Variants in SOX5 observed in about 807,000 individuals in gnomAD.
SOX5 encodes SRY-box transcription factor 5, also known as transcription factor SOX-5.
Under a neutral mutation model 92.0 loss-of-function variants are expected in SOX5, and 9 were observed. That is an observed-to-expected ratio of 0.10 (90% CI 0.06 to 0.17). SOX5 has a LOEUF of 0.17. SOX5 is among the 10% of genes least tolerant of loss of function. The pLI, the probability that SOX5 is intolerant of heterozygous loss-of-function variation, is 1.00. For missense variants in SOX5, 642 were observed against 944.5 expected, an observed-to-expected ratio of 0.68 and a Z score of 4.20; for synonymous variants, 344 against 336.3, an observed-to-expected ratio of 1.02 and a Z score of -0.25.
chr12:23,630,801 G>T (rs1330299137), intron 8 of SOX5, among the ~76,000 whole-genome samples: 1 of 151,994 alleles, frequency 6.6e-6, no homozygotes, highest in Non-Finnish European at 1.5e-5. Context: ...TTAAGGAAGA[G>T]ATGGCTGCAA....
chr12:24,135,440 C>T (rs976840487), intron 4 of SOX5, among the ~76,000 whole-genome samples: 1 of 152,162 alleles, frequency 6.6e-6, no homozygotes, highest in African/African-American at 2.4e-5. Context: ...ACTCCAACCT[C>T]GTTCCTGTAT....
At chr12:24,176,243 C>T (rs10842289) in intron 4 of SOX5, among the ~76,000 whole-genome samples, 60,946 of 151,590 alleles carry the variant, frequency 0.4, 12,824 homozygotes, top group Non-Finnish European at 0.47. Flanking sequence ...GTGGGACAAT[C>T]GCCTGAGCCC....
At chr12:24,490,452 T>G (rs150765603) in intron 1 of SOX5, among the ~76,000 whole-genome samples, 1 of 152,180 alleles carries the variant, frequency 6.6e-6, no homozygotes, top group South Asian at 2.1e-4. Context: ...GCTGTTACTC[T>G]TTTTTACAAA....
At chr12:24,269,608 G>T (rs1404576565) in intron 3 of SOX5, among the ~76,000 whole-genome samples, 2 of 150,692 alleles carry the variant, frequency 1.3e-5, no homozygotes, top group Non-Finnish European at 3.0e-5. Context: ...TAACTTTATA[G>T]TTCTCAAAAC....
chr12:23,770,351 C>T (rs1258595011), intron 3 of SOX5, among the ~76,000 whole-genome samples: 1 of 152,042 alleles, frequency 6.6e-6, no homozygotes, highest in African/African-American at 2.4e-5. Context: ...TTATCAAGGC[C>T]ATAACTGAGC....
chr12:23,587,783 A>G (rs1480016672), intron 9 of SOX5, among the ~76,000 whole-genome samples: 1 of 152,134 alleles, frequency 6.6e-6, no homozygotes, highest in Non-Finnish European at 1.5e-5. Context: ...GTCAATTTAT[A>G]TACATCCAAT....
intron 4 of SOX5, among the ~76,000 whole-genome samples, chr12:24,163,571 G>A (rs537695172): frequency 5.4e-5 from 8 of 148,106 alleles, no homozygotes; most frequent in African/African-American, 2.0e-4. Flanking sequence ...GATTCATGCC[G>A]CATTATCTGG....
At chr12:24,290,896 G>T (rs1257743427) in intron 2 of SOX5, among the ~76,000 whole-genome samples, 1 of 152,208 alleles carries the variant, frequency 6.6e-6, no homozygotes, top group Non-Finnish European at 1.5e-5. Flanking sequence ...TAAAGAAGCA[G>T]GGGTCTTGAT....
chr12:23,726,190 GT>G (rs1413422813), intron 6 of SOX5, among the ~76,000 whole-genome samples: 1 of 137,566 alleles, frequency 7.3e-6, no homozygotes, highest in African/African-American at 2.7e-5. Flanking sequence ...GTTTCTCACT[GT>G]TTGTAAGTTA....
intron 4 of SOX5, among the ~76,000 whole-genome samples, chr12:24,201,348 GA>G (rs35549197): frequency 0.19 from 27,221 of 146,524 alleles, 2,822 homozygotes; most frequent in East Asian, 0.46. Context: ...CTTTTCTCAG[GA>G]AAAAAAAAAA....
intron 4 of SOX5, among the ~76,000 whole-genome samples, chr12:24,109,322 T>G (rs1032092193): frequency 4.6e-5 from 7 of 152,150 alleles, no homozygotes; most frequent in Non-Finnish European, 1.0e-4. Context: ...AACCACAAAA[T>G]AATTGGTAAA....
intron 7 of SOX5, among the ~76,000 whole-genome samples, chr12:23,643,438 G>A (rs1420892022): frequency 6.6e-6 from 1 of 152,146 alleles, no homozygotes; most frequent in Non-Finnish European, 1.5e-5. Context: ...TTAGACACTT[G>A]ATAAACATGT....
At chr12:23,830,482 G>C (rs1006784191) in intron 3 of SOX5, among the ~76,000 whole-genome samples, 8 of 152,144 alleles carry the variant, frequency 5.3e-5, no homozygotes, top group African/African-American at 1.9e-4. Context: ...AAGTACCCTT[G>C]TTTGTCCTTC....
chr12:24,194,318 T>C (rs1421650298), intron 4 of SOX5, among the ~76,000 whole-genome samples: 2 of 152,120 alleles, frequency 1.3e-5, no homozygotes, highest in Admixed American at 6.6e-5. Context: ...ACCTATTATC[T>C]GATGAAATAC....
chr12:23,745,750 T>G (rs2141071308), intron 4 of SOX5, among the ~76,000 whole-genome samples: 1 of 150,944 alleles, frequency 6.6e-6, no homozygotes, highest in East Asian at 2.0e-4. Context: ...GTTCTCTTCT[T>G]TGGGAATCTA....
At chr12:24,187,281 G>A (rs1268662340) in intron 4 of SOX5, among the ~76,000 whole-genome samples, 1 of 152,164 alleles carries the variant, frequency 6.6e-6, no homozygotes, top group Non-Finnish European at 1.5e-5. Flanking sequence ...TGGGACAACA[G>A]CAAGAAGAGT....
rs1458616450 is a variant in SOX5 at position 23,804,796 on chromosome 12, T to A, written c.481+41187A>T. ...GAATACCGTTTTCTCCTTAAACTCC[T>A]CCTTCATCACTCCATCATGAAATAA... On this transcript the variant is annotated intron_variant, in intron 3 of 14. Transcript: ENST00000451604. Among the ~76,000 whole-genome samples, 5 of 151,528 alleles carry A rather than the reference T, an allele frequency of 3.3e-5. 1 individual carries two copies. In the East Asian group the frequency reaches 5.8e-4, roughly 18 times the overall value.
At chr12:23,653,521 C>A (rs113165523) in intron 7 of SOX5, among the ~76,000 whole-genome samples, 2 of 151,948 alleles carry the variant, frequency 1.3e-5, no homozygotes. Context: ...TCTGTCTGTT[C>A]GGGCTGATAC....
At chr12:23,639,590 T>C (rs889916062) in intron 8 of SOX5, among the ~76,000 whole-genome samples, 1 of 152,242 alleles carries the variant, frequency 6.6e-6, no homozygotes, top group Admixed American at 6.5e-5. Context: ...AATGTTATGT[T>C]ACTTTTATTG....
Sources: gnomAD v4.1 joint callset for allele counts (sites outside exome capture counted in the v4.1 genomes callset) on GRCh38, gnomAD v4.1.1 for gene constraint, MANE v1.5 for transcripts, NCBI Gene and HGNC (gene_info 2026-07-23, HGNC 2026-07-21) for gene names.